Variants in AKNA observed in about 807,000 individuals in gnomAD.
AKNA encodes microtubule organization protein AKNA.
In AKNA, 67 loss-of-function variants were observed where a neutral mutation model predicts 138.8. That is an observed-to-expected ratio of 0.48 (90% confidence interval 0.40 to 0.59). AKNA has a LOEUF of 0.59. AKNA is among the 20% of genes least tolerant of loss of function. The pLI, the probability that AKNA is intolerant of heterozygous loss-of-function variation, is 0.00. For synonymous variants in AKNA, 737 were observed against 754.4 expected, an observed-to-expected ratio of 0.98 and a Z score of 0.38; for missense variants, 1,813 against 1,880.4, an observed-to-expected ratio of 0.96 and a Z score of 0.66.
intron 14 of AKNA, among the ~76,000 whole-genome samples, chr9:114,351,814 G>C (rs1190419459): frequency 1.3e-5 from 2 of 152,006 alleles, no homozygotes; most frequent in Admixed American, 1.3e-4. Context: ...CTGGGTGACA[G>C]AGCAAGACCC....
At chr9:114,396,005 C>G (rs902598826), upstream of AKNA, among the ~76,000 whole-genome samples, 4 of 152,146 alleles carry the variant, frequency 2.6e-5, no homozygotes, top group Non-Finnish European at 4.4e-5. Flanking sequence ...GAACCTCAGG[C>G]TTTCTATCTG....
rs573947224 is a variant in AKNA, at chr9:114,350,319, C to T, written c.3221+540G>A. ...GGCCACCACCGAGCAGTCTCCCCAG[C>T]GCATCCCGGGACAGACACCCACTCC... On this transcript the variant is annotated intron_variant, in intron 15 of 21. Transcript: ENST00000374088. 9.9e-5 allele frequency among the ~76,000 whole-genome samples: 15 copies of T among 152,232 alleles called. No homozygotes were observed. In the East Asian group the frequency reaches 2.3e-3, roughly 24 times the overall value.
Position 114,337,033 on chromosome 9 carries a change from G to GC in AKNA, c.*20dup. ...CACCTGCCCACCCACCCACCCATCT[G>GC]CCTCTGGGCCCCCAGTGAAGTCAGA... On this transcript the variant is annotated 3_prime_UTR_variant, in exon 22 of 22. Coordinates refer to ENST00000374088, the MANE Select transcript of AKNA (RefSeq NM_001317950.2). The GC allele has an allele frequency of 3.0e-5, 2 of 66,628 alleles. No individual in the cohort carries two copies. The highest frequency in any genetic ancestry group is 3.8e-4 in the South Asian group (1 of 2,640). 4.1% of individuals were successfully genotyped at this position (66,628 alleles called of 1,614,324 possible). A position where few individuals can be genotyped will look rare whatever the true frequency, so the allele number is the denominator to read the frequency against.
At chr9:114,368,080 C>A in intron 5 of AKNA, 1 of 286,666 alleles carries the variant, frequency 3.5e-6, no homozygotes, top group Non-Finnish European at 6.5e-6. Context: ...GGTGTGACAA[C>A]AGTGCACACC....
At position 114,370,850 on chromosome 9, in the gene AKNA, C is replaced by T. The variant is rs528453456; in HGVS notation, c.1417-2255G>A. Among the ~76,000 whole-genome samples, 11 of 152,242 alleles carry T rather than the reference C, an allele frequency of 7.2e-5. No homozygotes were observed. In the South Asian group the frequency reaches 1.7e-3, roughly 23 times the overall value. On this transcript the variant is annotated intron_variant, in intron 4 of 21. Transcript: ENST00000374088. ...TCCCCAACTCATCTGCATACAGAAG[C>T]CTCCCCCTCCCCCCATCCCCACCCA...
At chr9:114,372,108 A>G (rs1308204772) in intron 4 of AKNA, among the ~76,000 whole-genome samples, 1 of 152,098 alleles carries the variant, frequency 6.6e-6, no homozygotes, top group Non-Finnish European at 1.5e-5. Flanking sequence ...GCAGGAGATG[A>G]TAGTATCATC....
intron 14 of AKNA, among the ~76,000 whole-genome samples, chr9:114,352,803 C>A (rs568385522): frequency 6.6e-6 from 1 of 152,148 alleles, no homozygotes; most frequent in East Asian, 1.9e-4. Flanking sequence ...TGCCTATAAT[C>A]CCAGCTTCTC....
At chr9:114,330,684 G>T (rs1829836062), downstream of AKNA, 1 of 1,601,896 alleles carries the variant, frequency 6.2e-7, no homozygotes, top group Non-Finnish European at 8.5e-7. Flanking sequence ...GAACCGGGAG[G>T]GTTGGCTTTA....
At chr9:114,331,813 G>T (rs993687627), downstream of AKNA, 2 of 1,611,838 alleles carry the variant, frequency 1.2e-6, no homozygotes, top group Non-Finnish European at 1.7e-6. Flanking sequence ...CAGTCTCCTT[G>T]CTCCCCCTGC....
chr9:114,395,736 TAAAAA>T (rs11297740), upstream of AKNA, among the ~76,000 whole-genome samples: 11 of 108,250 alleles, frequency 1.0e-4, no homozygotes, highest in South Asian at 3.0e-4. Context: ...CAGCTGTCTT[TAAAAA>T]AAAAAAAAAA....
intron 12 of AKNA, 89 bp downstream of exon 12, chr9:114,357,832 A>G: frequency 6.4e-7 from 1 of 1,556,616 alleles, no homozygotes; most frequent in Non-Finnish European, 8.6e-7. Flanking sequence ...AAGAAGGAAT[A>G]GCACAAGGAA....
At position 114,381,175 on chromosome 9, in the gene AKNA, G is replaced by A. The variant is rs372994653; in HGVS notation, c.159C>T (p.Pro53=). 84 of 1,614,026 alleles carry A rather than the reference G, an allele frequency of 5.2e-5. No homozygotes were observed. Among genetic ancestry groups the A allele is most frequent in the Middle Eastern group, 1.6e-4 (1 of 6,084 alleles). Residue 53 remains proline (P), a synonymous_variant, in exon 2 of 22, where the codon CCC becomes CCT. Coordinates refer to ENST00000374088, the MANE Select transcript of AKNA (RefSeq NM_001317950.2). ...EERLFPNATS[P]ELLEDFRLAQ... ...CCAGGCGGAAGTCCTCTAGGAGCTC[G>A]GGGCTGGTGGCATTGGGAAAGAGTC...
chr9:114,349,544 C>A, intron 15 of AKNA, among the ~76,000 whole-genome samples: 1 of 152,206 alleles, frequency 6.6e-6, no homozygotes, highest in South Asian at 2.1e-4. Context: ...GCCTTCTCAG[C>A]AGTCTCTTGG....
intron 20 of AKNA, 33 bp from the exon 21 acceptor site, chr9:114,341,758 G>T (rs1179765196): frequency 6.5e-7 from 1 of 1,532,650 alleles, no homozygotes; most frequent in Admixed American, 2.1e-5. Context: ...GAGAGACAGA[G>T]TCTGACCACT....
intron 7 of AKNA, among the ~76,000 whole-genome samples, chr9:114,364,009 T>C (rs1312773166): frequency 6.6e-6 from 1 of 151,988 alleles, no homozygotes; most frequent in Non-Finnish European, 1.5e-5. Context: ...CTATAAAGGG[T>C]CTCCCCTCCA....
intron 14 of AKNA, among the ~76,000 whole-genome samples, chr9:114,352,541 G>A (rs1831200157): frequency 6.6e-6 from 1 of 151,982 alleles, no homozygotes; most frequent in Non-Finnish European, 1.5e-5. Context: ...AGGTTGCAGT[G>A]AGCTGAGATC....
chr9:114,343,551 A>G (rs984678590), intron 19 of AKNA, among the ~76,000 whole-genome samples, 157 bp downstream of exon 19: 2 of 152,166 alleles, frequency 1.3e-5, no homozygotes, highest in African/African-American at 4.8e-5. Context: ...AACAGATGTG[A>G]CGGCAGGACA....
intron 20 of AKNA, 58 bp downstream of exon 20, chr9:114,341,951 A>T: frequency 6.7e-7 from 1 of 1,502,234 alleles, no homozygotes; most frequent in Non-Finnish European, 9.3e-7. Context: ...AGGTCTAATA[A>T]CCCTGGTCAA....
upstream of AKNA, among the ~76,000 whole-genome samples, chr9:114,396,447 G>A (rs1379234812): frequency 4.6e-5 from 7 of 152,126 alleles, no homozygotes; most frequent in Admixed American, 1.3e-4. Flanking sequence ...TCAGGAGGCC[G>A]AGGTGGGAGG....
Sources: allele counts gnomAD v4.1 joint callset (sites outside exome capture counted in the v4.1 genomes callset), GRCh38; gene constraint gnomAD v4.1.1; transcripts MANE v1.5; gene names NCBI Gene and HGNC (gene_info 2026-07-23, HGNC 2026-07-21).